TMEM182: variants seen among roughly 807,000 people sequenced by gnomAD.
The protein encoded by TMEM182 is transmembrane protein 182.
Under a neutral mutation model 26.8 loss-of-function variants are expected in TMEM182, and 20 were observed. That is an observed-to-expected ratio of 0.75 (90% CI 0.53 to 1.09). The LOEUF (loss-of-function observed/expected upper bound fraction) is 1.09. Ranked by LOEUF, TMEM182 falls within the 50% of genes least tolerant of loss-of-function variation. The pLI is 0.00. For synonymous variants in TMEM182, 109 were observed against 102.2 expected, an observed-to-expected ratio of 1.07 and a Z score of -0.40; for missense variants, 277 against 275.5, an observed-to-expected ratio of 1.01 and a Z score of -0.04.
At chr2:102,753,949 GA>G (rs1404096191) in intron 1 of TMEM182, among the ~76,000 whole-genome samples, 1 of 152,128 alleles carries the variant, frequency 6.6e-6, no homozygotes, top group Non-Finnish European at 1.5e-5. Flanking sequence ...AATAATCCCT[GA>G]AAATGCTTAC....
intron 3 of TMEM182, 184 bp from the exon 4 acceptor site, chr2:102,797,679 A>G: frequency 1.6e-6 from 1 of 635,654 alleles, no homozygotes; most frequent in Non-Finnish European, 2.6e-6. Flanking sequence ...CTTGGACATC[A>G]CTGATTCCAA....
In TMEM182 at chr2:102,762,116, A is replaced by G; in HGVS notation, c.-102A>G. On this transcript the variant is annotated 5_prime_UTR_variant, in exon 1 of 5. In the 5' UTR this introduces an upstream ATG that the reference lacks. Coordinates refer to ENST00000412401, the MANE Select transcript of TMEM182 (RefSeq NM_144632.5). ...AAGAAGATTCTGCCAACTCAAAAAT[A>G]TTATTCTTTTTTTTTTTTTTTTGCT... 1 of 1,036,670 alleles carries G rather than the reference A, an allele frequency of 9.6e-7. No individual in the cohort carries two copies. Among genetic ancestry groups the G allele is most frequent in the Non-Finnish European group, 1.4e-6 (1 of 732,788 alleles). 64.2% of individuals were successfully genotyped at this position (1,036,670 alleles called of 1,614,324 possible). A position where few individuals can be genotyped will look rare whatever the true frequency, so the allele number is the denominator to read the frequency against.
chr2:102,799,412 C>T (rs138051781), intron 4 of TMEM182, among the ~76,000 whole-genome samples: 139 of 152,218 alleles, frequency 9.1e-4, no homozygotes, highest in African/African-American at 3.3e-3. Flanking sequence ...AGAAGGTTCC[C>T]TGAAAAATCC....
chr2:102,784,310 A>G (rs935237250), intron 3 of TMEM182, among the ~76,000 whole-genome samples: 1 of 152,200 alleles, frequency 6.6e-6, no homozygotes, highest in Non-Finnish European at 1.5e-5. Context: ...GCATCAGGAA[A>G]ATATAAGGCT....
rs1412608151 is a variant in TMEM182, at chr2:102,809,741, TATG to T, written c.470-5003_470-5001del. ...GCCGATGCTATCATCCTTAACATTT[TATG>T]ATGTTTACTTTCTAATTCTATGTAG... On this transcript the variant is annotated intron_variant, in intron 4 of 4. Coordinates refer to ENST00000412401, the MANE Select transcript of TMEM182 (RefSeq NM_144632.5). Among the ~76,000 whole-genome samples, 7 of 152,362 alleles carry T rather than the reference TATG, an allele frequency of 4.6e-5. No individual in the cohort carries two copies. The East Asian group carries it at 1.2e-3, about 25-fold the overall frequency.
chr2:102,839,447 C>CTATATATATATATATATATATATA (rs10691405), intron 3 of TMEM182, among the ~76,000 whole-genome samples: 20 of 134,400 alleles, frequency 1.5e-4, no homozygotes, highest in African/African-American at 5.0e-4. Flanking sequence ...TGATGTTTTG[C>CTATATATATATATATATATATATA]TATATATATA....
downstream of TMEM182, among the ~76,000 whole-genome samples, chr2:102,821,758 G>A (rs1395765090): frequency 1.3e-5 from 2 of 152,084 alleles, no homozygotes; most frequent in Non-Finnish European, 2.9e-5. Flanking sequence ...GGAGGCTGAG[G>A]CGGGCAGATC....
chr2:102,798,329 G>A (rs1681970146), intron 4 of TMEM182, among the ~76,000 whole-genome samples: 1 of 152,102 alleles, frequency 6.6e-6, no homozygotes, highest in Non-Finnish European at 1.5e-5. Context: ...TCACTCCAAG[G>A]TGTGTAAGAG....
At chr2:102,781,031 A>G (rs910962995) in intron 3 of TMEM182, among the ~76,000 whole-genome samples, 2 of 152,190 alleles carry the variant, frequency 1.3e-5, no homozygotes, top group African/African-American at 4.8e-5. Context: ...TTGGGTCTCA[A>G]AGTCCCTTGC....
intron 3 of TMEM182, among the ~76,000 whole-genome samples, chr2:102,769,660 G>T (rs1186956328): frequency 6.6e-6 from 1 of 152,132 alleles, no homozygotes; most frequent in Non-Finnish European, 1.5e-5. Context: ...TTCTATGTAT[G>T]TAGCATTTTT....
intron 4 of TMEM182, among the ~76,000 whole-genome samples, chr2:102,803,909 C>T (rs1682247748): frequency 6.6e-6 from 1 of 151,358 alleles, no homozygotes. Context: ...GCCGTCCACA[C>T]CTGCAGGCAC....
At position 102,816,219 on chromosome 2, in the gene TMEM182, A is replaced by C. The variant is rs1269877149; in HGVS notation, c.*1251A>C. The C allele has an allele frequency of 1.0e-6, 1 of 985,244 alleles. No homozygotes were observed. Among genetic ancestry groups the C allele is most frequent in the African/African-American group, 1.7e-5 (1 of 57,224 alleles). 61.0% of individuals were successfully genotyped at this position (985,244 alleles called of 1,614,324 possible). On this transcript the variant is annotated 3_prime_UTR_variant, in exon 5 of 5. Coordinates refer to ENST00000412401, the MANE Select transcript of TMEM182 (RefSeq NM_144632.5). ...TTTGCATTCTGGAAGCCTCCATCGC[A>C]GGGGAGCTCGGCAGGGTATGTGAGC...
At chr2:102,812,862 A>G (rs1682603918) in intron 4 of TMEM182, among the ~76,000 whole-genome samples, 1 of 152,190 alleles carries the variant, frequency 6.6e-6, no homozygotes, top group Admixed American at 6.5e-5. Flanking sequence ...CCTAAGCCAA[A>G]CCTTTACATC....
intron 3 of TMEM182, among the ~76,000 whole-genome samples, chr2:102,839,044 T>A (rs561202265): frequency 4.1e-4 from 62 of 152,324 alleles, no homozygotes; most frequent in African/African-American, 1.5e-3. Flanking sequence ...TGTGCTTGTG[T>A]GTTTGTTTCT....
chr2:102,841,666 A>G (rs181439696), intron 3 of TMEM182, among the ~76,000 whole-genome samples: 1 of 152,250 alleles, frequency 6.6e-6, no homozygotes, highest in South Asian at 2.1e-4. Flanking sequence ...GAGCTAAAGC[A>G]GAACAATTAT....
chr2:102,744,134 AC>A (rs756343795), intron 1 of TMEM182, among the ~76,000 whole-genome samples: 36 of 152,210 alleles, frequency 2.4e-4, no homozygotes, highest in Non-Finnish European at 4.6e-4. Context: ...ATTGACCTTC[AC>A]AAAGGTCAAA....
rs573681968 is a variant in TMEM182, at chr2:102,815,623, T to C, written c.*655T>C. 5 of 985,360 alleles carry C rather than the reference T, an allele frequency of 5.1e-6. No individual in the cohort carries two copies. The highest frequency in any genetic ancestry group is 6.0e-6 in the Non-Finnish European group (5 of 829,944). The allele number at this position is 985,360 out of a possible 1,614,324, so 61.0% of individuals were successfully genotyped here. A position where few individuals can be genotyped will look rare whatever the true frequency, so the allele number is the denominator to read the frequency against. Reference sequence around the variant, plus strand: ...CTTAATTGTGCATGCTTACATAAACTTTAAACTACATTTAAAACTAGCAAA... The same window carrying C: ...CTTAATTGTGCATGCTTACATAAACCTTAAACTACATTTAAAACTAGCAAA... On this transcript the variant is annotated 3_prime_UTR_variant, in exon 5 of 5. Coordinates refer to ENST00000412401, the MANE Select transcript of TMEM182 (RefSeq NM_144632.5).
chr2:102,825,117 A>C (rs1295862736), intron 3 of TMEM182, among the ~76,000 whole-genome samples: 2 of 152,254 alleles, frequency 1.3e-5, no homozygotes, highest in African/African-American at 4.8e-5. Flanking sequence ...CAAAAACTTC[A>C]GTACCTATCA....
At chr2:102,770,540 T>G (rs1035571408) in intron 3 of TMEM182, among the ~76,000 whole-genome samples, 1 of 152,192 alleles carries the variant, frequency 6.6e-6, no homozygotes, top group Non-Finnish European at 1.5e-5. Context: ...CTGCACATTT[T>G]GTCACCTGAG....
Sources: gnomAD v4.1 joint callset for allele counts (sites outside exome capture counted in the v4.1 genomes callset) on GRCh38, gnomAD v4.1.1 for gene constraint, MANE v1.5 for transcripts, NCBI Gene and HGNC (gene_info 2026-07-23, HGNC 2026-07-21) for gene names.